The following SLC25A53 variants were observed in gnomAD, a reference collection of about 807,000 sequenced individuals.
The protein encoded by SLC25A53 is solute carrier family 25 member 53.
A neutral mutation model predicts 15.0 loss-of-function variants in SLC25A53; 5 were observed. The ratio of observed to expected loss-of-function variants is 0.33; its 90% confidence interval spans 0.17 to 0.70. The LOEUF is 0.70. Ranked by LOEUF, SLC25A53 falls within the 30% of genes least tolerant of loss-of-function variation. The probability of loss-of-function intolerance (pLI) is 0.67; values close to 1 mark genes in which losing one functional copy is unlikely to be tolerated. For missense variants in SLC25A53, 216 were observed against 241.6 expected (o/e 0.89, Z 0.70); for synonymous variants, 95 against 100.0 (o/e 0.95, Z 0.30).
intron 1 of SLC25A53, among the ~76,000 whole-genome samples, chrX:104,117,049 TC>T (rs2075379451): frequency 1.2e-5 from 1 of 83,150 alleles, no homozygotes; most frequent in Non-Finnish European, 2.2e-5. Flanking sequence ...TCCATGCACA[TC>T]CCCACAATCT....
In SLC25A53 at chrX:104,116,124, G is replaced by A. The variant is rs555787414; in HGVS notation, c.-31-10836C>T. 1.1e-4 allele frequency among the ~76,000 whole-genome samples: 12 copies of A among 109,374 alleles called. No individual in the cohort carries two copies. In the South Asian group the frequency reaches 4.8e-3, roughly 44 times the overall value. 95.0% of individuals were successfully genotyped at this position (109,374 alleles called of 115,157 possible). ...TGAGACATCAGATGGGGAACGGGGG[G>A]GGGACAAAAATTGAAAATGGGTATT... On this transcript the variant is annotated intron_variant, in intron 1 of 1. Transcript: ENST00000594199.
chrX:104,124,839 CTTTTTTTTTTTTTT>C (rs34662574), intron 1 of SLC25A53, among the ~76,000 whole-genome samples: 1 of 62,276 alleles, frequency 1.6e-5, no homozygotes, highest in Admixed American at 2.3e-4. Flanking sequence ...AACTTTTTTC[CTTTTTTTTTTTTTT>C]TTTTTTTTTG....
rs1012372362 is a variant in SLC25A53, at chrX:104,137,121, G to C, written c.-32+19757C>G. 3.2e-4 allele frequency among the ~76,000 whole-genome samples: 36 copies of C among 111,377 alleles called. 2 individuals are homozygous for C. The highest frequency in any genetic ancestry group is 1.9e-5 in the Non-Finnish European group (1 of 53,126). On this transcript the variant is annotated intron_variant, in intron 1 of 1. Coordinates refer to ENST00000594199, the MANE Select transcript of SLC25A53 (RefSeq NM_001012755.5). The stretch of plus-strand genomic sequence containing the variant: ...GAGGAACAGAAAGGTTGGGTAAATT[G>C]TCCATAGTCACACAGCCAGGAAATG...
intron 1 of SLC25A53, among the ~76,000 whole-genome samples, chrX:104,123,324 T>C (rs1368551328): frequency 1.5e-4 from 17 of 112,637 alleles, no homozygotes; most frequent in Non-Finnish European, 3.8e-5. Flanking sequence ...GCTTGCTTAG[T>C]TGGGGAGGTG....
At chrX:104,154,395 A>G (rs181737640) in intron 1 of SLC25A53, among the ~76,000 whole-genome samples, 9 of 112,635 alleles carry the variant, frequency 8.0e-5, no homozygotes, top group African/African-American at 2.9e-4. Flanking sequence ...AATATAAATT[A>G]GTACAGCCAT....
At chrX:104,124,474 C>A (rs1263854351) in intron 1 of SLC25A53, among the ~76,000 whole-genome samples, 1 of 111,803 alleles carries the variant, frequency 8.9e-6, no homozygotes, top group Non-Finnish European at 1.9e-5. Context: ...TCTGGCCAGG[C>A]ACAGTGGCTC....
intron 1 of SLC25A53, among the ~76,000 whole-genome samples, chrX:104,111,979 C>G (rs1380740153): frequency 1.8e-5 from 2 of 111,824 alleles, no homozygotes; most frequent in Non-Finnish European, 3.8e-5. Flanking sequence ...CCTTTGAAGT[C>G]AGACATGGTG....
chrX:104,146,097 AG>A (rs2075465730), intron 1 of SLC25A53, among the ~76,000 whole-genome samples: 1 of 112,085 alleles, frequency 8.9e-6, no homozygotes, highest in South Asian at 3.8e-4. Context: ...CACATCAAAA[AG>A]CTTGTCCACT....
At chrX:104,141,173 A>G (rs782773409) in intron 1 of SLC25A53, among the ~76,000 whole-genome samples, 20 of 111,858 alleles carry the variant, frequency 1.8e-4, no homozygotes, top group Non-Finnish European at 3.8e-4. Context: ...AAACAACTGA[A>G]TCTTAGCAAG....
chrX:104,103,134 GT>G lies in SLC25A53; in HGVS notation c.*1199del, dbSNP rs1384521306. The stretch of plus-strand genomic sequence containing the variant: ...GCCTGGGCAACAAGAGCGAAACTCC[GT>G]CTCAAAAAAAAAAAAAAGAAAGGGG... On this transcript the variant is annotated 3_prime_UTR_variant, in exon 2 of 2. Transcript: ENST00000594199. 1 of 93,917 alleles carries G rather than the reference GT, an allele frequency of 1.1e-5. No homozygotes were observed. Among genetic ancestry groups the G allele is most frequent in the Non-Finnish European group, 2.1e-5 (1 of 47,879 alleles). 7.7% of individuals were successfully genotyped at this position (93,917 alleles called of 1,213,427 possible).
At chrX:104,108,924 A>G (rs2075325388) in intron 1 of SLC25A53, among the ~76,000 whole-genome samples, 1 of 112,407 alleles carries the variant, frequency 8.9e-6, no homozygotes, top group Admixed American at 9.4e-5. Context: ...GTGCTTAGAA[A>G]TCTAGTCAAC....
At chrX:104,109,542 CAATT>C (rs1569459975) in intron 1 of SLC25A53, among the ~76,000 whole-genome samples, 2 of 112,193 alleles carry the variant, frequency 1.8e-5, no homozygotes, top group African/African-American at 6.5e-5. Flanking sequence ...GGCAAGATAA[CAATT>C]AAATTGTTCT....
At chrX:104,144,263 C>A (rs1157842335) in intron 1 of SLC25A53, among the ~76,000 whole-genome samples, 4 of 111,813 alleles carry the variant, frequency 3.6e-5, no homozygotes, top group Non-Finnish European at 7.5e-5. Context: ...TAACCTTGAA[C>A]GTAAATGGGC....
At position 104,101,293 on chromosome X, in the gene SLC25A53, T is replaced by TA. The variant is rs2075279234; in HGVS notation, c.*3040dup. On this transcript the variant is annotated 3_prime_UTR_variant, in exon 2 of 2. Transcript: ENST00000594199. ...TCCAAACCCAGTGCTTTGGGGTTTT[T>TA]ATGGAAGCTTCATTGCGTAGGCATG... 8.9e-6 allele frequency: 1 copy of TA among 111,928 alleles called. No individual in the cohort carries two copies. The highest frequency in any genetic ancestry group is 3.3e-5 in the African/African-American group (1 of 30,713). 9.2% of individuals were successfully genotyped at this position (111,928 alleles called of 1,213,427 possible). A position where few individuals can be genotyped will look rare whatever the true frequency, so the allele number is the denominator to read the frequency against.
chrX:104,143,244 G>C (rs2075456192), intron 1 of SLC25A53, among the ~76,000 whole-genome samples: 1 of 111,723 alleles, frequency 9.0e-6, no homozygotes, highest in Non-Finnish European at 1.9e-5. Context: ...ACTGGACAGA[G>C]AATGAGTTTG....
chrX:104,106,370 G>A (rs1309994323), intron 1 of SLC25A53, among the ~76,000 whole-genome samples: 28 of 111,536 alleles, frequency 2.5e-4, no homozygotes, highest in African/African-American at 8.2e-4. Flanking sequence ...GGGGTCCCTG[G>A]CTGACGAGAC....
chrX:104,150,804 C>T (rs1352034704), intron 1 of SLC25A53, among the ~76,000 whole-genome samples: 1 of 111,457 alleles, frequency 9.0e-6, no homozygotes, highest in African/African-American at 3.3e-5. Flanking sequence ...TTTCTGACAC[C>T]CTCCAACAGA....
intron 1 of SLC25A53, among the ~76,000 whole-genome samples, chrX:104,148,905 T>C (rs1225679066): frequency 1.8e-5 from 2 of 112,597 alleles, no homozygotes; most frequent in Non-Finnish European, 3.7e-5. Flanking sequence ...TACTTTTTAC[T>C]TACAAAAAAC....
chrX:104,139,694 C>T (rs1556367171), intron 1 of SLC25A53, among the ~76,000 whole-genome samples: 1 of 110,232 alleles, frequency 9.1e-6, no homozygotes, highest in African/African-American at 3.3e-5. Context: ...TGTGCCTGTA[C>T]TCCCAGCTAC....
Sources: allele counts gnomAD v4.1 joint callset (sites outside exome capture counted in the v4.1 genomes callset), GRCh38; gene constraint gnomAD v4.1.1; transcripts MANE v1.5; gene names NCBI Gene and HGNC (gene_info 2026-07-23, HGNC 2026-07-21).